The following MAPK8IP3 variants were observed in gnomAD, a reference collection of about 807,000 sequenced individuals.
MAPK8IP3 encodes C-Jun-amino-terminal kinase-interacting protein 3.
Under a neutral mutation model 157.8 loss-of-function variants are expected in MAPK8IP3, and 49 were observed. The observed-to-expected ratio is 0.31, with a 90% CI of 0.25 to 0.39. The LOEUF is 0.39. Among genes scored for constraint, MAPK8IP3 ranks in the 10% least tolerant of loss-of-function variants. The pLI is 1.00. For missense variants in MAPK8IP3, 1,478 were observed against 1,889.4 expected (o/e 0.78, Z 4.04); for synonymous variants, 897 against 777.7 (o/e 1.15, Z -2.55).
At chr16:1,733,693 G>A (rs977870529) in intron 4 of MAPK8IP3, among the ~76,000 whole-genome samples, 4 of 152,208 alleles carry the variant, frequency 2.6e-5, no homozygotes, top group Non-Finnish European at 4.4e-5. Context: ...GGTGCACCTC[G>A]TCCTTGTCAG....
chr16:1,733,818 T>G (rs940511950), intron 4 of MAPK8IP3, among the ~76,000 whole-genome samples: 4 of 152,214 alleles, frequency 2.6e-5, no homozygotes, highest in African/African-American at 4.8e-5. Context: ...AGCCCCTCGA[T>G]CATTTTGTAA....
intron 1 of MAPK8IP3, among the ~76,000 whole-genome samples, chr16:1,708,372 C>T (rs1309034191): frequency 6.6e-6 from 1 of 152,252 alleles, no homozygotes; most frequent in African/African-American, 2.4e-5. Flanking sequence ...CTGGGCACCG[C>T]CCTCCACTGC....
chr16:1,722,952 C>A (rs1273707174), intron 1 of MAPK8IP3, among the ~76,000 whole-genome samples: 1 of 152,154 alleles, frequency 6.6e-6, no homozygotes, highest in Non-Finnish European at 1.5e-5. Flanking sequence ...CCGCCTGCCT[C>A]AGCCTCCCAA....
At chr16:1,754,026 A>G (rs1481689834) in intron 8 of MAPK8IP3, among the ~76,000 whole-genome samples, 1 of 151,886 alleles carries the variant, frequency 6.6e-6, no homozygotes, top group African/African-American at 2.4e-5. Flanking sequence ...CAAAAGAATT[A>G]ACTGAGTGCA....
At chr16:1,744,446 C>A (rs1463943398) in intron 5 of MAPK8IP3, 1 of 985,722 alleles carries the variant, frequency 1.0e-6, no homozygotes, top group Non-Finnish European at 1.2e-6. Context: ...CCACCTGCTG[C>A]TGCGCTGCTC....
intron 4 of MAPK8IP3, among the ~76,000 whole-genome samples, chr16:1,738,400 G>C (rs1381474411): frequency 9.8e-6 from 1 of 101,686 alleles, no homozygotes; most frequent in Non-Finnish European, 1.9e-5. Flanking sequence ...GTGTGACCGT[G>C]TGAGCGTCCG....
chr16:1,767,406 C>T (rs2042336785), intron 26 of MAPK8IP3, 109 bp downstream of exon 26: 2 of 1,516,106 alleles, frequency 1.3e-6, no homozygotes, highest in Admixed American at 1.8e-5. Flanking sequence ...TCCCATCTCC[C>T]CTGTACCACC....
intron 4 of MAPK8IP3, among the ~76,000 whole-genome samples, chr16:1,736,805 CGTGTG>C (rs2039925490): frequency 6.6e-5 from 3 of 45,754 alleles, no homozygotes; most frequent in Non-Finnish European, 1.1e-4. Flanking sequence ...TCCGTGTGAG[CGTGTG>C]ACCGTCCGTG....
In MAPK8IP3 at chr16:1,764,274, C is replaced by T. The variant is rs762250423; in HGVS notation, c.2122-27C>T. The T allele has an allele frequency of 2.5e-6, 4 of 1,587,378 alleles. No homozygotes were observed. In the Admixed American group the frequency reaches 7.1e-5, roughly 28 times the overall value. ...GCGGGAGGCTGGGGAGTGCCGGTGACACCCGACCTCGGCCCTGCCCTTGCA... is the reference window on the plus strand; with the variant it reads ...GCGGGAGGCTGGGGAGTGCCGGTGATACCCGACCTCGGCCCTGCCCTTGCA... On this transcript the variant is annotated intron_variant, in intron 18 of 31. Coordinates refer to ENST00000610761, the MANE Select transcript of MAPK8IP3 (RefSeq NM_001318852.2).
intron 5 of MAPK8IP3, chr16:1,744,024 G>A (rs1449917555): frequency 2.0e-6 from 2 of 991,858 alleles, no homozygotes; most frequent in Non-Finnish European, 2.4e-6. Context: ...GCAGAGCCTC[G>A]CCCCAGCAGG....
At position 1,741,759 on chromosome 16, in the gene MAPK8IP3, G is replaced by C. The variant is rs991089199; in HGVS notation, c.603-1573G>C. On this transcript the variant is annotated intron_variant, in intron 4 of 31. Transcript: ENST00000610761. The surrounding 1 kb of genome is among the most constrained non-coding windows in gnomAD (Gnocchi z 6.9). ...CTCATGGCTGTTGTCACAACAGCTT[G>C]AGTGCCATGGACCAGCAGCCAAGAT... Among the ~76,000 whole-genome samples the C allele has an allele frequency of 6.6e-6, 1 of 152,098 alleles. No individual in the cohort carries two copies. Among genetic ancestry groups the C allele is most frequent in the Non-Finnish European group, 1.5e-5 (1 of 67,996 alleles).
At chr16:1,737,915 T>A (rs1372924908) in intron 4 of MAPK8IP3, among the ~76,000 whole-genome samples, 2 of 69,636 alleles carry the variant, frequency 2.9e-5, no homozygotes, top group South Asian at 1.1e-3. Flanking sequence ...ACCGTCCGTG[T>A]GTGTGACCAT....
chr16:1,745,415 T>C (rs1409018732), intron 5 of MAPK8IP3: 1 of 152,716 alleles, frequency 6.5e-6, no homozygotes, highest in East Asian at 1.9e-4. Flanking sequence ...ACTTCTTGCA[T>C]GAGCGGTACT....
chr16:1,737,119 T>A (rs1596641265), intron 4 of MAPK8IP3, among the ~76,000 whole-genome samples: 1 of 87,372 alleles, frequency 1.1e-5, no homozygotes, highest in Non-Finnish European at 2.2e-5. Context: ...AGCATCTGTG[T>A]GACCGTCCGT....
chr16:1,722,696 C>T (rs1210989427), intron 1 of MAPK8IP3, among the ~76,000 whole-genome samples: 1 of 150,736 alleles, frequency 6.6e-6, no homozygotes, highest in African/African-American at 2.4e-5. Flanking sequence ...AAGACCCCAT[C>T]TCAAAAAAAA....
At chr16:1,748,014 T>A (rs1250277199) in intron 6 of MAPK8IP3, among the ~76,000 whole-genome samples, 1 of 152,186 alleles carries the variant, frequency 6.6e-6, no homozygotes, top group Non-Finnish European at 1.5e-5. Context: ...GACACTCCCA[T>A]GCAGAGAGGC....
chr16:1,736,585 T>A (rs1346392626), intron 4 of MAPK8IP3, among the ~76,000 whole-genome samples: 11 of 74,686 alleles, frequency 1.5e-4, no homozygotes, highest in Admixed American at 2.1e-4. Flanking sequence ...CGTGTGAGCG[T>A]GTGACCATCC....
intron 19 of MAPK8IP3, among the ~76,000 whole-genome samples, 183 bp from the exon 20 acceptor site, chr16:1,764,830 C>T (rs540043940): frequency 8.5e-5 from 13 of 152,292 alleles, no homozygotes; most frequent in African/African-American, 3.1e-4. Context: ...GAAACCGTGT[C>T]TGTGAGTGCT....
chr16:1,758,304 C>T, intron 9 of MAPK8IP3, 145 bp downstream of exon 9: 1 of 877,974 alleles, frequency 1.1e-6, no homozygotes, highest in South Asian at 1.6e-5. Context: ...CTCGCAGCCA[C>T]CGCCGCTCGG....
Sources: gnomAD v4.1 joint callset for allele counts (sites outside exome capture counted in the v4.1 genomes callset) on GRCh38, gnomAD v4.1.1 for gene constraint, Gnocchi (gnomAD v3.1) non-coding constraint, MANE v1.5 for transcripts, NCBI Gene and HGNC (gene_info 2026-07-23, HGNC 2026-07-21) for gene names.